MIPOL1: variants seen among roughly 807,000 people sequenced by gnomAD.
The protein encoded by MIPOL1 is mirror-image polydactyly gene 1 protein.
In MIPOL1, 57 loss-of-function variants were observed where a neutral mutation model predicts 60.9. That is an observed-to-expected ratio of 0.94 (90% confidence interval 0.76 to 1.17). The LOEUF is 1.17. Among genes scored for constraint, MIPOL1 ranks in the 50% most tolerant of loss-of-function variants. The probability of loss-of-function intolerance (pLI) is 0.00; values close to 1 mark genes in which losing one functional copy is unlikely to be tolerated. For synonymous variants in MIPOL1, 179 were observed against 168.8 expected (o/e 1.06, Z -0.47); for missense variants, 551 against 511.6 (o/e 1.08, Z -0.74).
chr14:37,451,915 C>T (rs1196843128), intron 11 of MIPOL1, among the ~76,000 whole-genome samples: 1 of 146,330 alleles, frequency 6.8e-6, no homozygotes, highest in Non-Finnish European at 1.5e-5. Flanking sequence ...CCCGGGTTCA[C>T]GCCATTCTCC....
At position 37,436,927 on chromosome 14, in the gene MIPOL1, C is replaced by T. The variant is rs114864662; in HGVS notation, c.1031+13978C>T. 2.5e-3 allele frequency among the ~76,000 whole-genome samples: 380 copies of T among 152,272 alleles called. 1 individual carries two copies. Among genetic ancestry groups the T allele is most frequent in the African/African-American group, 9.0e-3 (372 of 41,562 alleles). Reference sequence around the variant, plus strand: ...AAATGATTTACAAGTCTGCAAGGGTCAAAATTGACTTGACTGAATGTTTTC... The same window carrying T: ...AAATGATTTACAAGTCTGCAAGGGTTAAAATTGACTTGACTGAATGTTTTC... On this transcript the variant is annotated intron_variant, in intron 11 of 12. Transcript: ENST00000684589.
chr14:37,378,353 C>A (rs2092832356), intron 10 of MIPOL1, among the ~76,000 whole-genome samples: 1 of 151,974 alleles, frequency 6.6e-6, no homozygotes, highest in South Asian at 2.1e-4. Flanking sequence ...AAGGAAACAA[C>A]CTATTGATAC....
At chr14:37,208,449 CAT>C (rs1374893009) in intron 1 of MIPOL1, among the ~76,000 whole-genome samples, 1 of 151,870 alleles carries the variant, frequency 6.6e-6, no homozygotes, top group Non-Finnish European at 1.5e-5. Context: ...TTTTAGAAAA[CAT>C]AGATCAATTA....
At chr14:37,356,262 G>A (rs969628120) in intron 9 of MIPOL1, among the ~76,000 whole-genome samples, 4 of 151,822 alleles carry the variant, frequency 2.6e-5, no homozygotes, top group East Asian at 3.9e-4. Context: ...CAGTCTGCCA[G>A]TTCTCAGATC....
chr14:37,410,204 G>A (rs2093658566), intron 10 of MIPOL1, among the ~76,000 whole-genome samples: 2 of 150,068 alleles, frequency 1.3e-5, no homozygotes, highest in South Asian at 4.3e-4. Flanking sequence ...ACATAGAACT[G>A]TGGAATTCAG....
At chr14:37,535,089 A>G (rs997718615) in intron 12 of MIPOL1, among the ~76,000 whole-genome samples, 24 of 152,166 alleles carry the variant, frequency 1.6e-4, no homozygotes, top group African/African-American at 5.8e-4. Flanking sequence ...AAATAAAAGT[A>G]AATAAAACAA....
At chr14:37,492,624 A>G (rs1307375549) in intron 11 of MIPOL1, among the ~76,000 whole-genome samples, 3 of 152,168 alleles carry the variant, frequency 2.0e-5, no homozygotes, top group African/African-American at 7.2e-5. Context: ...TTTTTCTCAT[A>G]GTTTTCGAGT....
rs562642167 is a variant in MIPOL1, at chr14:37,483,479, T to C, written c.1032-16429T>C. Among the ~76,000 whole-genome samples the C allele has an allele frequency of 6.6e-5, 10 of 152,216 alleles. No homozygotes were observed. In the East Asian group the frequency reaches 1.9e-3, roughly 29 times the overall value. ...CATCCATGGTTGGTTGAATCCACAA[T>C]TGCAGAATCCATGTATTCTAGGGCC... On this transcript the variant is annotated intron_variant, in intron 11 of 12. Transcript: ENST00000684589.
At chr14:37,405,563 C>G (rs1207140963) in intron 10 of MIPOL1, among the ~76,000 whole-genome samples, 2 of 151,948 alleles carry the variant, frequency 1.3e-5, no homozygotes, top group Non-Finnish European at 2.9e-5. Context: ...AATTAGATAA[C>G]TTTGATAATT....
At chr14:37,276,885 T>C (rs2083700775) in intron 6 of MIPOL1, 1 of 151,284 alleles carries the variant, frequency 6.6e-6, no homozygotes, top group African/African-American at 2.4e-5. Flanking sequence ...GGTAGAAATA[T>C]TGATAGACTA....
At chr14:37,348,684 T>C (rs1048778438) in intron 9 of MIPOL1, among the ~76,000 whole-genome samples, 3 of 151,490 alleles carry the variant, frequency 2.0e-5, no homozygotes, top group African/African-American at 4.9e-5. Context: ...AAAAGGAAAA[T>C]TTTCTTATTA....
intron 9 of MIPOL1, among the ~76,000 whole-genome samples, chr14:37,343,656 T>C (rs750044075): frequency 7.9e-5 from 12 of 152,184 alleles, no homozygotes; most frequent in Non-Finnish European, 1.6e-4. Flanking sequence ...TATGGAACTT[T>C]TTTGTTAGGA....
At chr14:37,211,886 A>G (rs1966852119) in intron 1 of MIPOL1, among the ~76,000 whole-genome samples, 3 of 151,980 alleles carry the variant, frequency 2.0e-5, no homozygotes, top group South Asian at 2.1e-4. Context: ...GCTCAGCCAC[A>G]GCAGAATAGG....
chr14:37,457,194 A>C (rs1028368234), intron 11 of MIPOL1, among the ~76,000 whole-genome samples: 1 of 152,286 alleles, frequency 6.6e-6, no homozygotes, highest in East Asian at 1.9e-4. Flanking sequence ...CCAGGGCTGT[A>C]GGTGAGCTCT....
chr14:37,537,986 A>T (rs986843225), intron 12 of MIPOL1, among the ~76,000 whole-genome samples: 1 of 152,192 alleles, frequency 6.6e-6, no homozygotes. Context: ...AGCCCTAATT[A>T]AGCCCTTTAA....
At chr14:37,236,539 C>T (rs1373651724) in intron 1 of MIPOL1, among the ~76,000 whole-genome samples, 2 of 151,182 alleles carry the variant, frequency 1.3e-5, no homozygotes, top group African/African-American at 2.4e-5. Context: ...CGGGTTCAAG[C>T]GATTCTCCTG....
chr14:37,447,366 A>G (rs552665651), intron 11 of MIPOL1, among the ~76,000 whole-genome samples: 1 of 152,308 alleles, frequency 6.6e-6, no homozygotes, highest in East Asian at 1.9e-4. Flanking sequence ...TTGTATAATA[A>G]TAAACAACTA....
At chr14:37,332,490 G>A (rs2089783610) in intron 9 of MIPOL1, among the ~76,000 whole-genome samples, 1 of 152,206 alleles carries the variant, frequency 6.6e-6, no homozygotes, top group African/African-American at 2.4e-5. Context: ...TTAACTGGAA[G>A]TCTTACCTTT....
At chr14:37,428,548 A>G (rs765354331) in intron 11 of MIPOL1, among the ~76,000 whole-genome samples, 1 of 152,098 alleles carries the variant, frequency 6.6e-6, no homozygotes, top group Non-Finnish European at 1.5e-5. Context: ...AGATCACACC[A>G]GTGTACTCCA....
Sources: allele counts gnomAD v4.1 joint callset (sites outside exome capture counted in the v4.1 genomes callset), GRCh38; gene constraint gnomAD v4.1.1; transcripts MANE v1.5; gene names NCBI Gene and HGNC (gene_info 2026-07-23, HGNC 2026-07-21).